The following AP4E1 variants were observed in gnomAD, a reference collection of about 807,000 sequenced individuals.
AP4E1 encodes the protein AP-4 complex subunit epsilon-1.
A neutral mutation model predicts 128.2 loss-of-function variants in AP4E1; 56 were observed. That is an observed-to-expected ratio of 0.44 (90% confidence interval 0.35 to 0.55). The LOEUF (loss-of-function observed/expected upper bound fraction) is 0.55. Ranked by LOEUF, AP4E1 falls within the 20% of genes least tolerant of loss-of-function variation. The pLI, the probability that AP4E1 is intolerant of heterozygous loss-of-function variation, is 0.00. For missense variants in AP4E1, 1,324 were observed against 1,307.7 expected, an observed-to-expected ratio of 1.01 and a Z score of -0.19; for synonymous variants, 484 against 473.1, an observed-to-expected ratio of 1.02 and a Z score of -0.30.
intron 10 of AP4E1, among the ~76,000 whole-genome samples, chr15:50,942,012 G>T (rs530034430): frequency 1.3e-5 from 2 of 152,276 alleles, no homozygotes; most frequent in East Asian, 3.9e-4. Flanking sequence ...CACCTCCTGG[G>T]TTCAAGTGAT....
Position 50,929,049 on chromosome 15 carries a change from T to C in AP4E1, c.583T>C (p.Phe195Leu), listed in dbSNP as rs2063800190. ...AAAAGCTGTTCTGGCATTATACAAA[T>C]TCCATCTCATTGCTCCTAATCAAGT... Reference protein sequence around the residue: ...RRKAVLALYKFHLIAPNQVQH... With the variant: ...RRKAVLALYKLHLIAPNQVQH... Residue 195 changes from phenylalanine to leucine, a missense_variant, in exon 6 of 21, where the codon TTC (phenylalanine) becomes CTC (leucine). Physicochemically the swap from Phe to Leu is conservative, Grantham distance 22. Transcript: ENST00000261842. 1 of 1,613,900 alleles carries C rather than the reference T, an allele frequency of 6.2e-7. No individual in the cohort carries two copies. Among genetic ancestry groups the C allele is most frequent in the Non-Finnish European group, 8.5e-7 (1 of 1,179,900 alleles).
chr15:50,923,002 C>G (rs943686753), intron 3 of AP4E1, among the ~76,000 whole-genome samples: 13 of 152,162 alleles, frequency 8.5e-5, no homozygotes, highest in Non-Finnish European at 4.4e-5. Flanking sequence ...TGGTCTCGAT[C>G]TCCTAACCTC....
At chr15:50,996,186 C>T (rs1454154056) in intron 17 of AP4E1, among the ~76,000 whole-genome samples, 12 of 133,182 alleles carry the variant, frequency 9.0e-5, no homozygotes, top group South Asian at 2.4e-4. Flanking sequence ...TCAGTAGAGA[C>T]GGGGTTTCAC....
chr15:50,999,319 C>T (rs1341164670), intron 19 of AP4E1, 57 bp downstream of exon 19: 5 of 1,467,396 alleles, frequency 3.4e-6, no homozygotes, highest in Non-Finnish European at 2.8e-6. Flanking sequence ...ATTTTTTAGA[C>T]CTCTTCTCTG....
intron 1 of AP4E1, among the ~76,000 whole-genome samples, chr15:50,909,579 T>C (rs2063538331): frequency 1.3e-5 from 2 of 152,264 alleles, no homozygotes; most frequent in South Asian, 4.1e-4. Flanking sequence ...TCTTAAACTT[T>C]TAAAATTTTT....
intron 5 of AP4E1, 102 bp from the exon 6 acceptor site, chr15:50,928,907 A>T: frequency 9.5e-7 from 1 of 1,051,498 alleles, no homozygotes; most frequent in Non-Finnish European, 1.4e-6. Flanking sequence ...TTGTAAATTA[A>T]GGTAATGAGC....
rs996138558 is a variant in AP4E1, at chr15:50,955,149, C to T, written c.1549-3343C>T. Among the ~76,000 whole-genome samples the T allele has an allele frequency of 3.3e-5, 5 of 152,278 alleles. 1 individual carries two copies. The highest frequency in any genetic ancestry group is 1.9e-4 in the East Asian group (1 of 5,182). ...GCTATTGTGAATAAACATACGTGTGCATGTGTCTTTATAACACCGTGATTT... is the reference window on the plus strand; with the variant it reads ...GCTATTGTGAATAAACATACGTGTGTATGTGTCTTTATAACACCGTGATTT... On this transcript the variant is annotated intron_variant, in intron 13 of 20. Transcript: ENST00000261842.
At position 50,923,927 on chromosome 15, in the gene AP4E1, A is replaced by C. The variant is rs1441358800; in HGVS notation, c.347-4A>C. The stretch of plus-strand genomic sequence containing the variant: ...TAATCAGACTTTTCCCTCAACTTTT[A>C]TAGGTTATTTGGCTGTTTCCTTATT... On this transcript the variant is annotated splice_region_variant and splice_polypyrimidine_tract_variant and intron_variant, in intron 3 of 20. Transcript: ENST00000261842. 11 of 1,609,230 alleles carry C rather than the reference A, an allele frequency of 6.8e-6. No homozygotes were observed. Among genetic ancestry groups the C allele is most frequent in the Non-Finnish European group, 9.4e-6 (11 of 1,176,094 alleles).
chr15:50,936,932 T>G (rs1270491585), intron 8 of AP4E1, among the ~76,000 whole-genome samples: 1 of 150,646 alleles, frequency 6.6e-6, no homozygotes, highest in Admixed American at 6.6e-5. Flanking sequence ...ATAGCAAGAC[T>G]CTGTCTCAAA....
chr15:50,965,905 G>A (rs192514357), intron 14 of AP4E1, among the ~76,000 whole-genome samples: 167 of 151,930 alleles, frequency 1.1e-3, no homozygotes, highest in African/African-American at 4.0e-3. Flanking sequence ...TCTCCCTCAG[G>A]TGTAAATTAG....
chr15:50,923,537 G>T (rs1348051703), intron 3 of AP4E1, among the ~76,000 whole-genome samples: 1 of 151,770 alleles, frequency 6.6e-6, no homozygotes, highest in Non-Finnish European at 1.5e-5. Flanking sequence ...AGTGATTAGG[G>T]TTTTTTTTAT....
At chr15:50,973,380 T>G (rs2064509322) in intron 15 of AP4E1, among the ~76,000 whole-genome samples, 1 of 152,256 alleles carries the variant, frequency 6.6e-6, no homozygotes, top group Non-Finnish European at 1.5e-5. Context: ...TTTTTGCCTT[T>G]TATCTTTTTA....
At chr15:50,923,440 TA>T (rs1294400159) in intron 3 of AP4E1, among the ~76,000 whole-genome samples, 3 of 152,214 alleles carry the variant, frequency 2.0e-5, no homozygotes, top group Admixed American at 6.5e-5. Context: ...TGGCTTAATA[TA>T]TTTAATATAT....
intron 16 of AP4E1, among the ~76,000 whole-genome samples, chr15:50,987,692 A>C (rs1018864483): frequency 2.6e-5 from 4 of 152,150 alleles, no homozygotes; most frequent in South Asian, 2.1e-4. Context: ...TTCTGTTTTT[A>C]CATTTGCTGA....
chr15:50,990,885 C>G (rs1341552626), intron 16 of AP4E1, among the ~76,000 whole-genome samples: 1 of 152,128 alleles, frequency 6.6e-6, no homozygotes, highest in Non-Finnish European at 1.5e-5. Context: ...TCTGTGATGG[C>G]ATTTAGTATG....
Position 51,003,778 on chromosome 15 carries a change from A to C in AP4E1, c.*1116A>C, listed in dbSNP as rs907516789. 1 of 152,590 alleles carries C rather than the reference A, an allele frequency of 6.6e-6. No homozygotes were observed. Among genetic ancestry groups the C allele is most frequent in the African/African-American group, 2.4e-5 (1 of 41,440 alleles). 9.5% of individuals were successfully genotyped at this position (152,590 alleles called of 1,614,324 possible). On this transcript the variant is annotated 3_prime_UTR_variant, in exon 21 of 21. Transcript: ENST00000261842. ...TATGGTGCTGTGGAAAATATTTATT[A>C]TTTCACCTTTTCTGACACTTCACCA...
At chr15:50,922,881 C>A (rs534362196) in intron 3 of AP4E1, among the ~76,000 whole-genome samples, 1 of 151,926 alleles carries the variant, frequency 6.6e-6, no homozygotes, top group African/African-American at 2.4e-5. Context: ...GGGTTCATGC[C>A]ATTCTCCTGC....
At chr15:50,983,089 C>G (rs1238456012) in intron 15 of AP4E1, among the ~76,000 whole-genome samples, 4 of 152,160 alleles carry the variant, frequency 2.6e-5, no homozygotes, top group Admixed American at 6.6e-5. Context: ...GGACCTCATA[C>G]AAGATAGACG....
At chr15:50,951,947 G>A (rs569271820) in intron 13 of AP4E1, among the ~76,000 whole-genome samples, 5 of 151,866 alleles carry the variant, frequency 3.3e-5, no homozygotes, top group African/African-American at 9.7e-5. Context: ...GGCTGGTCTC[G>A]AACTCTCGAC....
Sources: gnomAD v4.1 joint callset for allele counts (sites outside exome capture counted in the v4.1 genomes callset) on GRCh38, gnomAD v4.1.1 for gene constraint, MANE v1.5 for transcripts, NCBI Gene and HGNC (gene_info 2026-07-23, HGNC 2026-07-21) for gene names.